Variants in GNG12 observed in about 807,000 individuals in gnomAD.
GNG12 encodes the protein guanine nucleotide-binding protein G(I)/G(S)/G(O) subunit gamma-12.
For synonymous variants in GNG12, 28 were observed against 29.7 expected (o/e 0.94, Z 0.19); for missense variants, 69 against 83.8 (o/e 0.82, Z 0.69).
chr1:67,745,812 A>C (rs1219877074), intron 2 of GNG12, among the ~76,000 whole-genome samples: 2 of 152,200 alleles, frequency 1.3e-5, no homozygotes, highest in Non-Finnish European at 2.9e-5. Flanking sequence ...TCATTGTCTG[A>C]TGTAGTTTTC....
chr1:67,721,426 A>C (rs1307439414), intron 2 of GNG12, among the ~76,000 whole-genome samples: 1 of 152,170 alleles, frequency 6.6e-6, no homozygotes, highest in Non-Finnish European at 1.5e-5. Flanking sequence ...AGATCTACTG[A>C]ATCAGAAACT....
At chr1:67,755,046 T>C (rs1007901995) in intron 2 of GNG12, among the ~76,000 whole-genome samples, 4 of 152,362 alleles carry the variant, frequency 2.6e-5, no homozygotes, top group Middle Eastern at 3.4e-3. Flanking sequence ...CTTGGGAATT[T>C]TGAAAGGTCT....
intron 1 of GNG12, among the ~76,000 whole-genome samples, chr1:67,831,945 G>GCT (rs1647048183): frequency 6.6e-6 from 1 of 152,188 alleles, no homozygotes; most frequent in African/African-American, 2.4e-5. Flanking sequence ...CGAAGCGCTG[G>GCT]CAAGGGTGCA....
intron 2 of GNG12, among the ~76,000 whole-genome samples, chr1:67,748,555 C>T (rs1027749459): frequency 3.3e-5 from 5 of 152,106 alleles, no homozygotes; most frequent in South Asian, 2.1e-4. Context: ...AGAAGTGCAG[C>T]GTCTTTTGGG....
chr1:67,737,610 C>T (rs1646459532), intron 2 of GNG12, among the ~76,000 whole-genome samples: 1 of 146,422 alleles, frequency 6.8e-6, no homozygotes, highest in African/African-American at 2.5e-5. Flanking sequence ...TGAAGACTTT[C>T]TTTTTTTTTT....
intron 1 of GNG12, among the ~76,000 whole-genome samples, chr1:67,828,628 T>C (rs548106382): frequency 8.1e-4 from 124 of 152,342 alleles, no homozygotes; most frequent in African/African-American, 2.9e-3. Flanking sequence ...TTAAACTAAG[T>C]GCACCAATAT....
At chr1:67,708,557 C>T (rs1268783909) in intron 2 of GNG12, among the ~76,000 whole-genome samples, 1 of 152,178 alleles carries the variant, frequency 6.6e-6, no homozygotes, top group African/African-American at 2.4e-5. Flanking sequence ...CTCTCCTTAG[C>T]CACCTGGTGT....
At chr1:67,716,345 T>TC (rs887513313) in intron 2 of GNG12, among the ~76,000 whole-genome samples, 1 of 152,214 alleles carries the variant, frequency 6.6e-6, no homozygotes, top group African/African-American at 2.4e-5. Context: ...TTATCTGCCA[T>TC]CCAGGGTACA....
intron 3 of GNG12, among the ~76,000 whole-genome samples, chr1:67,706,701 G>A (rs1162228461): frequency 8.6e-5 from 13 of 150,722 alleles, no homozygotes; most frequent in Non-Finnish European, 1.9e-4. Flanking sequence ...TGTTGCCCAG[G>A]CTGGAGTGCA....
intron 1 of GNG12, among the ~76,000 whole-genome samples, chr1:67,819,252 G>A (rs1646972189): frequency 6.6e-6 from 1 of 152,068 alleles, no homozygotes; most frequent in Admixed American, 6.5e-5. Flanking sequence ...TAGCAACCTG[G>A]GTGGATGGAA....
At chr1:67,751,940 G>A (rs1305432510) in intron 2 of GNG12, among the ~76,000 whole-genome samples, 2 of 152,198 alleles carry the variant, frequency 1.3e-5, no homozygotes, top group Non-Finnish European at 2.9e-5. Context: ...CAACAGAGAT[G>A]CCAGGTTAAT....
intron 2 of GNG12, among the ~76,000 whole-genome samples, chr1:67,728,359 T>C (rs939859254): frequency 1.3e-5 from 2 of 152,154 alleles, no homozygotes; most frequent in African/African-American, 4.8e-5. Flanking sequence ...CCCTGATTGC[T>C]CTGTCTGGTG....
chr1:67,713,209 A>T (rs1646306529), intron 2 of GNG12, among the ~76,000 whole-genome samples: 2 of 152,216 alleles, frequency 1.3e-5, no homozygotes, highest in Non-Finnish European at 2.9e-5. Flanking sequence ...CAAGTATTCT[A>T]TCCCACCCAG....
intron 2 of GNG12, among the ~76,000 whole-genome samples, chr1:67,735,099 A>C (rs1185826726): frequency 6.6e-6 from 1 of 151,578 alleles, no homozygotes; most frequent in African/African-American, 2.4e-5. Context: ...CAGGTGATCC[A>C]CCCTCCTTGG....
At chr1:67,802,936 T>C (rs1461831488) in intron 1 of GNG12, among the ~76,000 whole-genome samples, 4 of 152,204 alleles carry the variant, frequency 2.6e-5, no homozygotes, top group Non-Finnish European at 2.9e-5. Context: ...CATGAAGCTA[T>C]AACAGAAGCA....
chr1:67,831,491 G>C (rs1020336736), intron 1 of GNG12, among the ~76,000 whole-genome samples: 1 of 152,114 alleles, frequency 6.6e-6, no homozygotes, highest in Non-Finnish European at 1.5e-5. Flanking sequence ...TAAGTGCTGT[G>C]TGCCCTGTTG....
rs143594479 is a variant in GNG12 at position 67,740,929 on chromosome 1, G to A, written c.-26-33217C>T. Among the ~76,000 whole-genome samples the A allele has an allele frequency of 3.4e-3, 525 of 152,180 alleles. 5 individuals carry two copies. Among genetic ancestry groups the A allele is most frequent in the Non-Finnish European group, 5.2e-3 (352 of 67,990 alleles). On this transcript the variant is annotated intron_variant, in intron 2 of 3. Coordinates refer to ENST00000370982, the MANE Select transcript of GNG12 (RefSeq NM_018841.6). Reference sequence around the variant, plus strand: ...CCATCCAATTTATGGTATTTTTGCTGTTACAACCATGAATATGAATGAACA... The same window carrying A: ...CCATCCAATTTATGGTATTTTTGCTATTACAACCATGAATATGAATGAACA...
intron 2 of GNG12, among the ~76,000 whole-genome samples, chr1:67,753,172 AT>A (rs1159701298): frequency 2.6e-5 from 4 of 151,896 alleles, no homozygotes; most frequent in South Asian, 4.2e-4. Flanking sequence ...TGTTGAAAGA[AT>A]TTTTTTTTAA....
chr1:67,719,550 G>A (rs1646345642), intron 2 of GNG12, among the ~76,000 whole-genome samples: 1 of 152,112 alleles, frequency 6.6e-6, no homozygotes, highest in Non-Finnish European at 1.5e-5. Context: ...TATTTCAATG[G>A]TTAATTGTAT....
Sources: allele counts gnomAD v4.1 joint callset (sites outside exome capture counted in the v4.1 genomes callset), GRCh38; gene constraint gnomAD v4.1.1; transcripts MANE v1.5; gene names NCBI Gene and HGNC (gene_info 2026-07-23, HGNC 2026-07-21).